Variants in PARD3B observed in about 807,000 individuals in gnomAD.
PARD3B encodes par-3 family cell polarity regulator beta, also known as partitioning defective 3 homolog B.
Under a neutral mutation model 130.2 loss-of-function variants are expected in PARD3B, and 103 were observed. That is an observed-to-expected ratio of 0.79 (90% CI 0.67 to 0.93). The LOEUF is 0.93. PARD3B is among the 40% of genes least tolerant of loss of function. PARD3B has a pLI of 0.00. For synonymous variants in PARD3B, 583 were observed against 553.2 expected (o/e 1.05, Z -0.76); for missense variants, 1,609 against 1,499.2 (o/e 1.07, Z -1.21).
Position 204,686,142 on chromosome 2 carries a change from A to G in PARD3B, c.121-39A>G, listed in dbSNP as rs769906339. ...ATTAAAATGTGTTTAACTTTTTAAC[A>G]TAGATTAGGTCATTAAACTTGTGTT... is the stretch of plus-strand genomic sequence containing the variant. On this transcript the variant is annotated intron_variant, in intron 1 of 22. Coordinates refer to ENST00000406610, the MANE Select transcript of PARD3B (RefSeq NM_001302769.2). 38 of 1,369,188 alleles carry G rather than the reference A, an allele frequency of 2.8e-5. No individual in the cohort carries two copies. In the Middle Eastern group the frequency reaches 7.2e-4, roughly 26 times the overall value. 84.8% of individuals were successfully genotyped at this position (1,369,188 alleles called of 1,614,324 possible). A position where few individuals can be genotyped will look rare whatever the true frequency, so the allele number is the denominator to read the frequency against.
At chr2:205,234,692 C>T (rs2038985749) in intron 15 of PARD3B, among the ~76,000 whole-genome samples, 1 of 151,822 alleles carries the variant, frequency 6.6e-6, no homozygotes, top group African/African-American at 2.4e-5. Context: ...CTATCTTGAC[C>T]TAATTAACGT....
intron 21 of PARD3B, among the ~76,000 whole-genome samples, chr2:205,544,761 A>G (rs2052312795): frequency 6.6e-6 from 1 of 152,196 alleles, no homozygotes; most frequent in South Asian, 2.1e-4. Context: ...ATTCTGCTAT[A>G]AAATCATCAT....
chr2:205,030,839 C>T (rs1559369861), intron 3 of PARD3B, among the ~76,000 whole-genome samples: 1 of 152,144 alleles, frequency 6.6e-6, no homozygotes, highest in Non-Finnish European at 1.5e-5. Flanking sequence ...TGTGACCTTG[C>T]TGTTCCTCCT....
chr2:204,960,294 T>A (rs1236989190), intron 2 of PARD3B, among the ~76,000 whole-genome samples: 1 of 152,178 alleles, frequency 6.6e-6, no homozygotes, highest in East Asian at 1.9e-4. Context: ...CCACCACCTC[T>A]CCATTCAGCC....
At chr2:204,853,786 G>A (rs2044807181) in intron 2 of PARD3B, among the ~76,000 whole-genome samples, 1 of 152,164 alleles carries the variant, frequency 6.6e-6, no homozygotes, top group African/African-American at 2.4e-5. Context: ...TGCCCATATA[G>A]GCCTCATTCT....
At chr2:204,682,015 GGACAGACCCAC>G in intron 1 of PARD3B, among the ~76,000 whole-genome samples, 1 of 152,162 alleles carries the variant, frequency 6.6e-6, no homozygotes, top group Non-Finnish European at 1.5e-5. Context: ...GTGAAGCATG[GGACAGACCCAC>G]TTAAGCAAAG....
Position 205,617,915 on chromosome 2 carries a change from C to T in PARD3B, c.*2102C>T, listed in dbSNP as rs929763475. On this transcript the variant is annotated 3_prime_UTR_variant, in exon 23 of 23. Transcript: ENST00000406610. ...ACTACTAAACATAGCCAAGCCAGAA[C>T]ATTCCTTCTGGATTAAGCCTAGGCC... The T allele has an allele frequency of 2.0e-5, 3 of 152,230 alleles. No individual in the cohort carries two copies. The highest frequency in any genetic ancestry group is 4.4e-5 in the Non-Finnish European group (3 of 68,046). 9.4% of individuals were successfully genotyped at this position (152,230 alleles called of 1,614,324 possible).
chr2:205,486,339 G>A (rs2049441549), intron 20 of PARD3B, among the ~76,000 whole-genome samples: 1 of 152,178 alleles, frequency 6.6e-6, no homozygotes, highest in Admixed American at 6.5e-5. Context: ...CCTAGGGTTA[G>A]CAGAGCTCAC....
Position 205,530,045 on chromosome 2 carries a change from A to G in PARD3B, c.3181-23279A>G, listed in dbSNP as rs2106426892. 6.6e-6 allele frequency among the ~76,000 whole-genome samples: 1 copy of G among 152,302 alleles called. No homozygotes were observed. ...GGCAGGCAAAGAAAGGTGCCACCCA[A>G]CAATGCTGTGAAGAGTAAGAAATGC... On this transcript the variant is annotated intron_variant, in intron 21 of 22. Transcript: ENST00000406610. The surrounding 1 kb of genome is among the most constrained non-coding windows in gnomAD (Gnocchi z 4.7).
chr2:204,953,890 T>C (rs1690016799), intron 2 of PARD3B, among the ~76,000 whole-genome samples: 1 of 151,896 alleles, frequency 6.6e-6, no homozygotes, highest in Non-Finnish European at 1.5e-5. Context: ...GCTAAATTTA[T>C]AAATCTAAAA....
chr2:205,107,640 A>G (rs1243716097), intron 5 of PARD3B, among the ~76,000 whole-genome samples: 1 of 152,238 alleles, frequency 6.6e-6, no homozygotes, highest in Non-Finnish European at 1.5e-5. Flanking sequence ...TAATAGGGAC[A>G]TATTTGCTAA....
intron 16 of PARD3B, among the ~76,000 whole-genome samples, chr2:205,249,299 T>C (rs946928668): frequency 1.3e-5 from 2 of 151,974 alleles, no homozygotes; most frequent in Non-Finnish European, 1.5e-5. Context: ...AATTAAATTG[T>C]ATATACTGAC....
At chr2:205,506,963 A>G (rs904464783) in intron 21 of PARD3B, among the ~76,000 whole-genome samples, 4 of 152,136 alleles carry the variant, frequency 2.6e-5, no homozygotes, top group Admixed American at 2.0e-4. Flanking sequence ...CTCTTTTTTC[A>G]TCTGTCAGCT....
chr2:205,235,991 G>A (rs749016372), intron 15 of PARD3B, among the ~76,000 whole-genome samples: 22 of 152,136 alleles, frequency 1.4e-4, no homozygotes, highest in Non-Finnish European at 2.5e-4. Flanking sequence ...AAAACAAGAC[G>A]TGTGAACATT....
At chr2:205,335,630 C>A (rs1454363379) in intron 18 of PARD3B, among the ~76,000 whole-genome samples, 1 of 123,422 alleles carries the variant, frequency 8.1e-6, no homozygotes, top group Non-Finnish European at 1.9e-5. Context: ...TAAAGACATA[C>A]ACAAGACTGG....
intron 1 of PARD3B, among the ~76,000 whole-genome samples, chr2:204,563,274 TTCTCC>T (rs2031463890): frequency 6.9e-6 from 1 of 144,228 alleles, no homozygotes; most frequent in Non-Finnish European, 1.5e-5. Context: ...TCTTTCTCTC[TTCTCC>T]CTTTATAAGG....
intron 21 of PARD3B, among the ~76,000 whole-genome samples, chr2:205,548,887 T>C (rs1038226340): frequency 2.0e-5 from 3 of 151,964 alleles, no homozygotes; most frequent in Non-Finnish European, 4.4e-5. Context: ...TAATGAAGTA[T>C]CCAAAATACA....
rs1479425449 is a variant in PARD3B at position 204,618,201 on chromosome 2, A to C, written c.121-67980A>C. Among the ~76,000 whole-genome samples the C allele has an allele frequency of 4.6e-5, 7 of 152,202 alleles. No individual in the cohort carries two copies. The East Asian group carries it at 1.3e-3, about 29-fold the overall frequency. ...TCTTACTGGGCCATGTTTATGTCCT[A>C]GAATTTTCACCCGGGATCACAAACT... On this transcript the variant is annotated intron_variant, in intron 1 of 22. Coordinates refer to ENST00000406610, the MANE Select transcript of PARD3B (RefSeq NM_001302769.2).
intron 11 of PARD3B, among the ~76,000 whole-genome samples, chr2:205,163,865 G>A (rs545912289): frequency 1.4e-4 from 22 of 152,246 alleles, no homozygotes; most frequent in Admixed American, 3.3e-4. Context: ...TCTTCAACTG[G>A]CCATTTTTCT....
Sources: gnomAD v4.1 joint callset for allele counts (sites outside exome capture counted in the v4.1 genomes callset) on GRCh38, gnomAD v4.1.1 for gene constraint, Gnocchi (gnomAD v3.1) non-coding constraint, MANE v1.5 for transcripts, NCBI Gene and HGNC (gene_info 2026-07-23, HGNC 2026-07-21) for gene names.